TENM2: variants seen among roughly 807,000 people sequenced by gnomAD.
The protein encoded by TENM2 is teneurin-2.
Under a neutral mutation model 245.2 loss-of-function variants are expected in TENM2, and 52 were observed. That is an observed-to-expected ratio of 0.21 (90% CI 0.17 to 0.27). The LOEUF is 0.27. Among genes scored for constraint, TENM2 ranks in the 10% least tolerant of loss-of-function variants. The pLI is 1.00. For synonymous variants in TENM2, 1,363 were observed against 1,438.9 expected, an observed-to-expected ratio of 0.95 and a Z score of 1.19; for missense variants, 3,046 against 3,666.8, an observed-to-expected ratio of 0.83 and a Z score of 4.37.
chr5:167,858,812 C>G (rs1449144156), intron 2 of TENM2, among the ~76,000 whole-genome samples: 1 of 148,476 alleles, frequency 6.7e-6, no homozygotes, highest in Non-Finnish European at 1.5e-5. Flanking sequence ...CGCCGGCGAG[C>G]GCCGCCCGGG....
intron 2 of TENM2, among the ~76,000 whole-genome samples, chr5:167,745,708 A>G (rs892548653): frequency 2.0e-5 from 3 of 152,140 alleles, no homozygotes; most frequent in African/African-American, 7.2e-5. Flanking sequence ...ATACTGATCT[A>G]CTTTTCTTGT....
At chr5:167,454,475 T>TGC (rs1554158136) in intron 2 of TENM2, among the ~76,000 whole-genome samples, 51 of 149,482 alleles carry the variant, frequency 3.4e-4, no homozygotes, top group African/African-American at 1.2e-3. Flanking sequence ...TGTGTGTGTG[T>TGC]GCATGTGCAC....
intron 2 of TENM2, among the ~76,000 whole-genome samples, chr5:167,758,134 T>A (rs765314031): frequency 6.6e-5 from 10 of 152,056 alleles, no homozygotes; most frequent in Non-Finnish European, 1.2e-4. Flanking sequence ...TGATGGAGGG[T>A]GGGTTCATAA....
At chr5:167,304,768 A>G (rs6865179) in intron 1 of TENM2, among the ~76,000 whole-genome samples, 39,619 of 151,918 alleles carry the variant, frequency 0.26, 8,527 homozygotes, top group African/African-American at 0.59. Flanking sequence ...TGTTGCTGTT[A>G]TTGTTTTGAG....
the TENM2 span, among the ~76,000 whole-genome samples, chr5:167,042,542 G>A: frequency 1.3e-5 from 2 of 152,182 alleles, no homozygotes; most frequent in Non-Finnish European, 2.9e-5. Context: ...GGGAAACTTA[G>A]AACCACGAAT....
chr5:167,929,333 T>TA (rs1297521327), intron 3 of TENM2, among the ~76,000 whole-genome samples: 11 of 152,226 alleles, frequency 7.2e-5, no homozygotes, highest in African/African-American at 2.4e-4. Context: ...AAATGCCTCT[T>TA]AGAGGATGTT....
At chr5:168,154,082 C>G (rs543759842) in intron 12 of TENM2, among the ~76,000 whole-genome samples, 1 of 140,982 alleles carries the variant, frequency 7.1e-6, no homozygotes, top group African/African-American at 2.7e-5. Flanking sequence ...GGATTTCCCT[C>G]CCAAGAAGAG....
intron 5 of TENM2, among the ~76,000 whole-genome samples, chr5:168,012,321 T>C (rs981945950): frequency 6.6e-6 from 1 of 151,950 alleles, no homozygotes; most frequent in Non-Finnish European, 1.5e-5. Context: ...GTTGAAGGAA[T>C]TGGGAGATAA....
intron 4 of TENM2, among the ~76,000 whole-genome samples, chr5:167,968,496 A>G (rs902792010): frequency 1.2e-4 from 19 of 152,214 alleles, no homozygotes; most frequent in African/African-American, 3.6e-4. Context: ...TAGAGCTTCA[A>G]TTGCGAACCA....
the TENM2 span, among the ~76,000 whole-genome samples, chr5:167,260,048 C>T: frequency 6.6e-6 from 1 of 152,140 alleles, no homozygotes; most frequent in Non-Finnish European, 1.5e-5. Context: ...ATCTTGTAAA[C>T]ACTTTATACA....
At chr5:167,928,910 AAAAAAG>A (rs1434384270) in intron 3 of TENM2, among the ~76,000 whole-genome samples, 1 of 147,106 alleles carries the variant, frequency 6.8e-6, no homozygotes, top group African/African-American at 2.5e-5. Context: ...AAAAAAAAAA[AAAAAAG>A]AAGAAGAAAG....
chr5:167,532,723 C>CACACACATATATAT (rs1265614444), intron 2 of TENM2, among the ~76,000 whole-genome samples: 1 of 150,986 alleles, frequency 6.6e-6, no homozygotes, highest in African/African-American at 2.4e-5. Context: ...TGTATATATA[C>CACACACATATATAT]ACACACATAT....
At chr5:168,033,940 T>C (rs2151965452) in intron 5 of TENM2, among the ~76,000 whole-genome samples, 1 of 151,764 alleles carries the variant, frequency 6.6e-6, no homozygotes, top group African/African-American at 2.4e-5. Flanking sequence ...GGCAGGAGAA[T>C]GGCGTGAACC....
chr5:168,195,414 C>G, intron 15 of TENM2, 119 bp downstream of exon 17: 1 of 1,172,844 alleles, frequency 8.5e-7, no homozygotes, highest in South Asian at 1.5e-5. Flanking sequence ...GTCCACCAGG[C>G]CTGTCCCCTA....
intron 7 of TENM2, among the ~76,000 whole-genome samples, chr5:168,066,726 G>A (rs76409869): frequency 3.7e-4 from 57 of 152,202 alleles, no homozygotes; most frequent in African/African-American, 1.3e-3. Flanking sequence ...GTCATTCTTA[G>A]CCTACTAACT....
intron 2 of TENM2, among the ~76,000 whole-genome samples, chr5:167,545,750 A>G (rs763645534): frequency 6.6e-6 from 1 of 152,184 alleles, no homozygotes; most frequent in African/African-American, 2.4e-5. Context: ...CTAAGACTGC[A>G]TTTTATCTTC....
intron 2 of TENM2, among the ~76,000 whole-genome samples, chr5:167,699,992 G>A (rs1022987624): frequency 3.9e-5 from 6 of 152,134 alleles, no homozygotes; most frequent in African/African-American, 7.2e-5. Flanking sequence ...TTCTGTAAAT[G>A]CAATAATATA....
At chr5:167,375,369 G>A in exon 2 of TENM2, 2 of 1,551,666 alleles carry the variant, frequency 1.3e-6, no homozygotes, top group South Asian at 1.2e-5. Flanking sequence ...AGACTGTGGG[G>A]CAGAGGGATA....
rs117144738 is a variant in TENM2, at chr5:167,985,488, G to A, written c.948-7456G>A. Among the ~76,000 whole-genome samples the A allele has an allele frequency of 1.9e-4, 29 of 152,244 alleles. No individual in the cohort carries two copies. In the East Asian group the frequency reaches 5.6e-3, roughly 29 times the overall value. On this transcript the variant is annotated intron_variant, in intron 4 of 28. Transcript: ENST00000518659. ...CTGTATTTCAAAAACGTTTGCTGCC[G>A]CAGACTTCGTGAGCAAAGAACAACA...
Sources: allele counts gnomAD v4.1 joint callset (sites outside exome capture counted in the v4.1 genomes callset), GRCh38; gene constraint gnomAD v4.1.1; transcripts MANE v1.5; gene names NCBI Gene and HGNC (gene_info 2026-07-23, HGNC 2026-07-21).